Variants in PCDHGA9 observed in about 807,000 individuals in gnomAD.
PCDHGA9 encodes the protein protocadherin gamma subfamily A, 9.
PCDHGA9 carries 37 observed loss-of-function variants against 62.5 expected under a neutral mutation model. The observed-to-expected ratio is 0.59, with a 90% CI of 0.46 to 0.78. PCDHGA9 has a LOEUF of 0.78. Ranked by LOEUF, PCDHGA9 falls within the 30% of genes least tolerant of loss-of-function variation. The pLI, the probability that PCDHGA9 is intolerant of heterozygous loss-of-function variation, is 0.00. For missense variants in PCDHGA9, 1,138 were observed against 1,166.2 expected (o/e 0.98, Z 0.35); for synonymous variants, 459 against 484.6 (o/e 0.95, Z 0.69).
intron 1 of PCDHGA9, among the ~76,000 whole-genome samples, chr5:141,460,959 A>ATG (rs1248175237): frequency 7.9e-6 from 1 of 126,082 alleles, no homozygotes; most frequent in Non-Finnish European, 1.6e-5. Flanking sequence ...ATGTATATAT[A>ATG]TATGTGTGTG....
rs1311418325 is a variant in PCDHGA9 at position 141,403,106 on chromosome 5, C to A, written c.154C>A (p.Leu52Met). The change falls in exon 1 of 4, where the codon CTG becomes ATG. Residue 52 changes from leucine (L) to methionine (M), a missense_variant. Coordinates refer to ENST00000573521, the MANE Select transcript of PCDHGA9 (RefSeq NM_018921.3). ...TATTGTGGGCAACATCTCCAAGGAC[C>A]TGGCTCTGGAGCCCCGGGAGCTGGC... The part of the protein sequence containing the change: ...GYIVGNISKD[L>M]ALEPRELAER... The A allele has an allele frequency of 6.2e-7, 1 of 1,614,066 alleles. No homozygotes were observed.
intron 2 of PCDHGA9, among the ~76,000 whole-genome samples, chr5:141,501,110 G>A (rs1373404247): frequency 2.6e-5 from 4 of 151,908 alleles, no homozygotes; most frequent in Admixed American, 6.6e-5. Flanking sequence ...CTCGTGATCC[G>A]CCTGCCTCAG....
intron 1 of PCDHGA9, among the ~76,000 whole-genome samples, chr5:141,472,280 A>G (rs988007394): frequency 6.6e-6 from 1 of 152,276 alleles, no homozygotes; most frequent in African/African-American, 2.4e-5. Context: ...AGTGGCTCAC[A>G]CCTGTAATCC....
At chr5:141,451,624 G>A (rs1016417101) in intron 1 of PCDHGA9, among the ~76,000 whole-genome samples, 3 of 152,150 alleles carry the variant, frequency 2.0e-5, no homozygotes, top group African/African-American at 7.2e-5. Context: ...GCTCAAACCT[G>A]TAATTCCAGC....
intron 1 of PCDHGA9, chr5:141,422,396 A>G (rs767394630): frequency 6.3e-6 from 10 of 1,597,278 alleles, no homozygotes; most frequent in Non-Finnish European, 8.5e-6. Flanking sequence ...ATTCCTAACC[A>G]CCTGCCTTTT....
chr5:141,422,513 G>T, intron 1 of PCDHGA9: 2 of 1,614,000 alleles, frequency 1.2e-6, no homozygotes, highest in Non-Finnish European at 1.7e-6. Context: ...ACAGACCAGG[G>T]AAGCCCGCCT....
At chr5:141,429,542 A>G (rs1484411621) in intron 1 of PCDHGA9, among the ~76,000 whole-genome samples, 3 of 152,188 alleles carry the variant, frequency 2.0e-5, no homozygotes, top group African/African-American at 7.2e-5. Context: ...AAATAAGAAC[A>G]TGGTAATGAT....
rs762238827 is a variant in PCDHGA9 at position 141,487,202 on chromosome 5, C to T, written c.2425-7605C>T. ...CACTCATCCAGTTGTCCCAGATCTT[C>T]GAGAATCTTCAGCTCCAAGGGAAGG... On this transcript the variant is annotated intron_variant, in intron 1 of 3. Coordinates refer to ENST00000573521, the MANE Select transcript of PCDHGA9 (RefSeq NM_018921.3). This position sits in a 1 kb window ranked among gnomAD's most constrained non-coding sequence, Gnocchi z 5.0. 7 of 1,613,660 alleles carry T rather than the reference C, an allele frequency of 4.3e-6. No homozygotes were observed. The highest frequency in any genetic ancestry group is 1.7e-5 in the Admixed American group (1 of 59,992).
Position 141,477,265 on chromosome 5 carries a change from G to T in PCDHGA9, c.2425-17542G>T. On this transcript the variant is annotated intron_variant, in intron 1 of 3. Coordinates refer to ENST00000573521, the MANE Select transcript of PCDHGA9 (RefSeq NM_018921.3). The surrounding 1 kb of genome is among the most constrained non-coding windows in gnomAD (Gnocchi z 4.9). ...GTGTGACTGACCTGGATGCTGGCGA[G>T]AACGGGCTGGTGACCTGCGAAGTTC... 6.2e-7 allele frequency: 1 copy of T among 1,614,198 alleles called. No individual in the cohort carries two copies. Among genetic ancestry groups the T allele is most frequent in the Non-Finnish European group, 8.5e-7 (1 of 1,180,044 alleles).
chr5:141,406,375 T>C (rs1427638211), intron 1 of PCDHGA9, among the ~76,000 whole-genome samples: 1 of 152,186 alleles, frequency 6.6e-6, no homozygotes, highest in Non-Finnish European at 1.5e-5. Flanking sequence ...GGTAAACTGA[T>C]AAAAAGGTAA....
At chr5:141,456,149 G>A (rs377506220) in intron 1 of PCDHGA9, among the ~76,000 whole-genome samples, 1 of 151,866 alleles carries the variant, frequency 6.6e-6, no homozygotes, top group East Asian at 1.9e-4. Flanking sequence ...CGCCCGCCTC[G>A]GCCTCCTAAA....
Position 141,490,457 on chromosome 5 carries a change from T to C in PCDHGA9, c.2425-4350T>C. 1 of 1,614,214 alleles carries C rather than the reference T, an allele frequency of 6.2e-7. No homozygotes were observed. Among genetic ancestry groups the C allele is most frequent in the Non-Finnish European group, 8.5e-7 (1 of 1,180,042 alleles). ...AAGCCTTCTGAGAACCACTACTCGC[T>C]GCTAACCAGCCAGCCTTTGGACCGG... On this transcript the variant is annotated intron_variant, in intron 1 of 3. Coordinates refer to ENST00000573521, the MANE Select transcript of PCDHGA9 (RefSeq NM_018921.3). The surrounding 1 kb of genome is among the most constrained non-coding windows in gnomAD (Gnocchi z 5.4).
At chr5:141,407,535 T>C (rs1471174995) in intron 1 of PCDHGA9, among the ~76,000 whole-genome samples, 1 of 151,840 alleles carries the variant, frequency 6.6e-6, no homozygotes, top group Non-Finnish European at 1.5e-5. Context: ...TTATTGTGCA[T>C]TGGTAACAGA....
Position 141,476,500 on chromosome 5 carries a change from C to A in PCDHGA9, c.2425-18307C>A. The A allele has an allele frequency of 6.2e-7, 1 of 1,613,874 alleles. No homozygotes were observed. The highest frequency in any genetic ancestry group is 8.5e-7 in the Non-Finnish European group (1 of 1,179,950). ...GCGTGGAAGTGGTGATCCAGGACAT[C>A]AACGACAACAATCCTGCTTTCCCTA... On this transcript the variant is annotated intron_variant, in intron 1 of 3. Coordinates refer to ENST00000573521, the MANE Select transcript of PCDHGA9 (RefSeq NM_018921.3). The surrounding 1 kb of genome is among the most constrained non-coding windows in gnomAD (Gnocchi z 7.6).
intron 1 of PCDHGA9, among the ~76,000 whole-genome samples, chr5:141,425,058 G>A (rs938128250): frequency 1.3e-5 from 2 of 151,986 alleles, no homozygotes; most frequent in African/African-American, 2.4e-5. Context: ...TCTAGGGCTC[G>A]GACAAAAATA....
intron 2 of PCDHGA9, among the ~76,000 whole-genome samples, chr5:141,497,905 C>T (rs1052659134): frequency 6.6e-6 from 1 of 152,178 alleles, no homozygotes; most frequent in Non-Finnish European, 1.5e-5. Context: ...GTAACTTCAA[C>T]TTCTCTCCTT....
chr5:141,438,231 TG>T (rs987686126), intron 1 of PCDHGA9, among the ~76,000 whole-genome samples: 1 of 152,082 alleles, frequency 6.6e-6, no homozygotes, highest in African/African-American at 2.4e-5. Context: ...TTCAGGAAAA[TG>T]TTTTTAAAAA....
chr5:141,494,906 A>T, intron 2 of PCDHGA9, 41 bp downstream of exon 2: 1 of 1,613,800 alleles, frequency 6.2e-7, no homozygotes, highest in Non-Finnish European at 8.5e-7. Flanking sequence ...TCTCTGCGGC[A>T]TTTTCTCAGG....
chr5:141,440,035 C>T, intron 1 of PCDHGA9: 1 of 153,140 alleles, frequency 6.5e-6, no homozygotes, highest in East Asian at 1.9e-4. Flanking sequence ...GTGTCGAGGA[C>T]ATGCCCACTT....
Sources: gnomAD v4.1 joint callset for allele counts (sites outside exome capture counted in the v4.1 genomes callset) on GRCh38, gnomAD v4.1.1 for gene constraint, Gnocchi (gnomAD v3.1) non-coding constraint, MANE v1.5 for transcripts, NCBI Gene and HGNC (gene_info 2026-07-23, HGNC 2026-07-21) for gene names.